Variants in A1CF observed in about 807,000 individuals in gnomAD.
A1CF encodes APOBEC-1 stimulating protein.
Under a neutral mutation model 68.9 loss-of-function variants are expected in A1CF, and 48 were observed. The observed-to-expected ratio is 0.70, with a 90% confidence interval of 0.55 to 0.89. The LOEUF is 0.89. Ranked by LOEUF, A1CF falls within the 40% of genes least tolerant of loss-of-function variation. The pLI is 0.00. For synonymous variants in A1CF, 272 were observed against 260.4 expected (o/e 1.04, Z -0.43); for missense variants, 653 against 718.9 (o/e 0.91, Z 1.05).
chr10:50,860,719 T>C (rs1840704783), intron 2 of A1CF, among the ~76,000 whole-genome samples: 3 of 152,212 alleles, frequency 2.0e-5, no homozygotes, highest in African/African-American at 7.2e-5. Flanking sequence ...AATTTCAGCA[T>C]TTCATTGTCT....
intron 9 of A1CF, among the ~76,000 whole-genome samples, chr10:50,814,292 T>A (rs1838264929): frequency 6.6e-6 from 1 of 152,188 alleles, no homozygotes; most frequent in Admixed American, 6.5e-5. Context: ...ATAAATACAA[T>A]ACTATTGATA....
intron 7 of A1CF, among the ~76,000 whole-genome samples, chr10:50,822,174 T>G (rs1838708679): frequency 6.6e-6 from 1 of 152,200 alleles, no homozygotes; most frequent in Non-Finnish European, 1.5e-5. Flanking sequence ...GATGGCAACA[T>G]ATAAAAATGA....
intron 2 of A1CF, among the ~76,000 whole-genome samples, chr10:50,863,495 GTATT>G (rs1840839547): frequency 6.6e-6 from 1 of 152,254 alleles, no homozygotes; most frequent in African/African-American, 2.4e-5. Context: ...GCTTTCATGA[GTATT>G]TATCACCTAT....
intron 3 of A1CF, among the ~76,000 whole-genome samples, chr10:50,845,662 A>G (rs1839965279): frequency 6.6e-6 from 1 of 152,202 alleles, no homozygotes; most frequent in Non-Finnish European, 1.5e-5. Flanking sequence ...ACATTAAAAT[A>G]TTCCTTATTG....
chr10:50,828,320 A>T (rs771533375), intron 6 of A1CF, 25 bp from the exon 7 acceptor site: 5 of 1,501,554 alleles, frequency 3.3e-6, no homozygotes, highest in Non-Finnish European at 4.5e-6. Context: ...CACCATTATG[A>T]TTAATTATGT....
At chr10:50,850,583 A>G (rs1054584352) in intron 3 of A1CF, 34 of 1,546,558 alleles carry the variant, frequency 2.2e-5, no homozygotes, top group Non-Finnish European at 2.9e-5. Context: ...ATTAGAAAAC[A>G]AAAAGCATTT....
chr10:50,852,741 C>G (rs1286995594), intron 3 of A1CF, among the ~76,000 whole-genome samples: 1 of 152,086 alleles, frequency 6.6e-6, no homozygotes, highest in African/African-American at 2.4e-5. Context: ...AAAAGAATGT[C>G]AATGCCACAG....
At chr10:50,882,081 A>T (rs1325003510) in intron 1 of A1CF, among the ~76,000 whole-genome samples, 2 of 152,228 alleles carry the variant, frequency 1.3e-5, no homozygotes, top group African/African-American at 4.8e-5. Flanking sequence ...GGATTGCATC[A>T]ATCAAAAATA....
rs368086968 is a variant in A1CF at position 50,859,860 on chromosome 10, T to C, written c.81A>G (p.Thr27=). The C allele has an allele frequency of 4.5e-5, 73 of 1,613,878 alleles. No individual in the cohort carries two copies. The highest frequency in any genetic ancestry group is 6.1e-5 in the Non-Finnish European group (72 of 1,179,912). ...TTCCTACCTGGACCAAGCTATATCC[T>C]GTGCGCTGGACCAGTGCGCGGAGGG... ...EAALRALVQR[T]GYSLVQENGQ... is the part of the protein sequence containing the mutation. Residue 27 remains threonine, a synonymous_variant, in exon 3 of 13, where the codon ACA becomes ACG. Transcript: ENST00000373997.
intron 3 of A1CF, chr10:50,850,618 A>C (rs1840195148): frequency 1.2e-6 from 2 of 1,612,126 alleles, no homozygotes; most frequent in East Asian, 4.5e-5. Flanking sequence ...GTTTCTGTAA[A>C]AGAGAACGAG....
At chr10:50,848,501 G>C (rs1180169944) in intron 3 of A1CF, among the ~76,000 whole-genome samples, 2 of 152,174 alleles carry the variant, frequency 1.3e-5, no homozygotes, top group Non-Finnish European at 1.5e-5. Context: ...ATGGACACCA[G>C]ATGGTTATTG....
intron 7 of A1CF, among the ~76,000 whole-genome samples, chr10:50,827,146 A>G (rs1351169263): frequency 6.6e-6 from 1 of 152,062 alleles, no homozygotes; most frequent in Non-Finnish European, 1.5e-5. Context: ...GTCCTTAGAG[A>G]CCTACAAAGA....
At chr10:50,814,448 A>G (rs1345405930) in intron 9 of A1CF, among the ~76,000 whole-genome samples, 1 of 152,208 alleles carries the variant, frequency 6.6e-6, no homozygotes, top group Non-Finnish European at 1.5e-5. Flanking sequence ...TTTTGAAATC[A>G]GTCTTGCATA....
chr10:50,874,994 G>T (rs540266903), intron 1 of A1CF, among the ~76,000 whole-genome samples: 2 of 152,290 alleles, frequency 1.3e-5, no homozygotes, highest in Middle Eastern at 3.4e-3. Context: ...ATAACAATAT[G>T]CAGTTGCATC....
Position 50,802,561 on chromosome 10 carries a change from A to G in A1CF, c.*4168T>C, listed in dbSNP as rs1297644499. The G allele has an allele frequency of 2.0e-5, 3 of 152,228 alleles. No homozygotes were observed. The highest frequency in any genetic ancestry group is 7.2e-5 in the African/African-American group (3 of 41,470). 9.4% of individuals were successfully genotyped at this position (152,228 alleles called of 1,614,324 possible). A position where few individuals can be genotyped will look rare whatever the true frequency, so the allele number is the denominator to read the frequency against. On this transcript the variant is annotated 3_prime_UTR_variant, in exon 13 of 13. Transcript: ENST00000373997. ...GTGCCAAGTTTCTAGTCTAATTTTT[A>G]GATATATTTTCTTCCCCCTGGGAAC...
At chr10:50,864,710 C>G (rs1840902429) in intron 1 of A1CF, among the ~76,000 whole-genome samples, 1 of 152,092 alleles carries the variant, frequency 6.6e-6, no homozygotes, top group African/African-American at 2.4e-5. Context: ...CCTCCGCATC[C>G]CAGGTTCAAG....
intron 6 of A1CF, among the ~76,000 whole-genome samples, chr10:50,835,458 A>T (rs1839442473): frequency 6.6e-6 from 1 of 152,184 alleles, no homozygotes; most frequent in East Asian, 1.9e-4. Flanking sequence ...ATGAGCCAAG[A>T]ACTGTAAAAA....
chr10:50,862,240 C>T (rs1013716155), intron 2 of A1CF, among the ~76,000 whole-genome samples: 30 of 151,990 alleles, frequency 2.0e-4, no homozygotes, highest in African/African-American at 7.2e-4. Flanking sequence ...GTGGTGCATG[C>T]CTGTAATCCC....
At chr10:50,831,258 T>A (rs945753161) in intron 6 of A1CF, among the ~76,000 whole-genome samples, 7 of 152,038 alleles carry the variant, frequency 4.6e-5, no homozygotes, top group Admixed American at 1.3e-4. Flanking sequence ...AATAGATGAA[T>A]GGGATTGCAT....
Sources: gnomAD v4.1 joint callset for allele counts (sites outside exome capture counted in the v4.1 genomes callset) on GRCh38, gnomAD v4.1.1 for gene constraint, MANE v1.5 for transcripts, NCBI Gene and HGNC (gene_info 2026-07-23, HGNC 2026-07-21) for gene names.